CSMD1: variants seen among roughly 807,000 people sequenced by gnomAD.
CSMD1 encodes the protein CUB and Sushi multiple domains 1, also known as CUB and sushi domain-containing protein 1.
CSMD1 carries 213 observed loss-of-function variants against 417.5 expected under a neutral mutation model. The ratio of observed to expected loss-of-function variants is 0.51; its 90% CI spans 0.46 to 0.57. CSMD1 has a LOEUF of 0.57. Ranked by LOEUF, CSMD1 falls within the 20% of genes least tolerant of loss-of-function variation. The pLI is 0.00. For synonymous variants in CSMD1, 2,862 were observed against 1,736.8 expected (o/e 1.65, Z -16.11); for missense variants, 6,923 against 4,529.7 (o/e 1.53, Z -15.17).
At chr8:4,325,740 G>A (rs964557155) in intron 3 of CSMD1, among the ~76,000 whole-genome samples, 2 of 152,068 alleles carry the variant, frequency 1.3e-5, no homozygotes, top group African/African-American at 2.4e-5. Context: ...CTGAGAAGGC[G>A]TGAATGTTAT....
At chr8:3,846,883 C>A (rs544588932) in intron 5 of CSMD1, among the ~76,000 whole-genome samples, 2 of 152,252 alleles carry the variant, frequency 1.3e-5, no homozygotes, top group African/African-American at 4.8e-5. Flanking sequence ...TCATGTTGGC[C>A]AAGCTGGTCT....
intron 1 of CSMD1, among the ~76,000 whole-genome samples, chr8:4,731,378 C>A (rs1477282551): frequency 6.6e-6 from 1 of 152,164 alleles, no homozygotes; most frequent in Non-Finnish European, 1.5e-5. Context: ...GCATGTGACA[C>A]ATTCCCCCAC....
intron 40 of CSMD1, 101 bp from the exon 41 acceptor site, chr8:3,142,775 C>T: frequency 1.0e-6 from 1 of 992,468 alleles, no homozygotes. Context: ...CCCAGACAAT[C>T]CCTCTCTGTG....
chr8:3,099,798 C>G (rs1378234086), intron 46 of CSMD1, among the ~76,000 whole-genome samples: 1 of 152,044 alleles, frequency 6.6e-6, no homozygotes, highest in Non-Finnish European at 1.5e-5. Context: ...TTAGGAAAGA[C>G]AAAATGAAAA....
intron 5 of CSMD1, among the ~76,000 whole-genome samples, chr8:3,824,419 T>A (rs926437828): frequency 6.6e-6 from 1 of 152,160 alleles, no homozygotes; most frequent in African/African-American, 2.4e-5. Flanking sequence ...GAAAGATGAA[T>A]AGACATTACA....
chr8:4,090,560 G>C (rs1251957170), intron 3 of CSMD1, among the ~76,000 whole-genome samples: 1 of 152,148 alleles, frequency 6.6e-6, no homozygotes, highest in Non-Finnish European at 1.5e-5. Context: ...TTTTACAACA[G>C]AAACTAAAAT....
At chr8:3,238,235 A>G (rs888835822) in intron 26 of CSMD1, among the ~76,000 whole-genome samples, 7 of 151,946 alleles carry the variant, frequency 4.6e-5, no homozygotes, top group African/African-American at 7.3e-5. Flanking sequence ...AGCCAGGATG[A>G]GCCAGGAGAA....
chr8:4,140,832 C>G (rs545533472), intron 3 of CSMD1, among the ~76,000 whole-genome samples: 3 of 150,900 alleles, frequency 2.0e-5, no homozygotes, highest in Middle Eastern at 3.2e-3. Context: ...ACCCTCACTC[C>G]AGGTTTCAAA....
chr8:4,642,926 C>T (rs893112007), intron 1 of CSMD1, among the ~76,000 whole-genome samples: 1 of 152,172 alleles, frequency 6.6e-6, no homozygotes, highest in Non-Finnish European at 1.5e-5. Flanking sequence ...GGAAATGATA[C>T]TCTGTAGCAA....
intron 1 of CSMD1, among the ~76,000 whole-genome samples, chr8:4,715,601 T>G (rs1204481583): frequency 1.3e-5 from 2 of 152,168 alleles, no homozygotes; most frequent in Non-Finnish European, 2.9e-5. Flanking sequence ...CATCCAAAAT[T>G]TAACGTGAAC....
chr8:4,773,093 G>C (rs571216782), intron 1 of CSMD1, among the ~76,000 whole-genome samples: 18 of 152,166 alleles, frequency 1.2e-4, no homozygotes, highest in African/African-American at 4.3e-4. Context: ...ATTTTTTTCA[G>C]ATTTGGGAAT....
chr8:3,938,213 G>A (rs1810636224), intron 5 of CSMD1, among the ~76,000 whole-genome samples: 1 of 152,054 alleles, frequency 6.6e-6, no homozygotes, highest in Non-Finnish European at 1.5e-5. Flanking sequence ...GTAACATCCA[G>A]TCACTGATGA....
At chr8:4,090,694 G>A (rs1415839990) in intron 3 of CSMD1, among the ~76,000 whole-genome samples, 3 of 152,164 alleles carry the variant, frequency 2.0e-5, no homozygotes, top group South Asian at 4.1e-4. Flanking sequence ...TTTATCTCTA[G>A]TAGGTTCTAG....
chr8:4,662,424 G>C (rs2724962), intron 1 of CSMD1, among the ~76,000 whole-genome samples: 8 of 151,852 alleles, frequency 5.3e-5, no homozygotes, highest in African/African-American at 1.9e-4. Context: ...ACATTGACAC[G>C]CTTTTCTTTT....
intron 4 of CSMD1, 61 bp downstream of exon 4, chr8:4,031,844 C>T: frequency 1.6e-6 from 2 of 1,279,278 alleles, no homozygotes; most frequent in Non-Finnish European, 1.1e-6. Context: ...TTCATAAAAG[C>T]ATCTCCAAAA....
intron 1 of CSMD1, among the ~76,000 whole-genome samples, chr8:4,680,864 G>C (rs1268204715): frequency 6.6e-6 from 1 of 151,950 alleles, no homozygotes; most frequent in Non-Finnish European, 1.5e-5. Flanking sequence ...ATAAGTGTGA[G>C]CCACTGTACC....
chr8:4,137,289 A>C, intron 3 of CSMD1, among the ~76,000 whole-genome samples: 1 of 152,162 alleles, frequency 6.6e-6, no homozygotes, highest in Non-Finnish European at 1.5e-5. Context: ...TCTAATTTTA[A>C]TCAAAATAGG....
chr8:3,888,282 G>C (rs537220102), intron 5 of CSMD1, among the ~76,000 whole-genome samples: 1 of 152,230 alleles, frequency 6.6e-6, no homozygotes, highest in South Asian at 2.1e-4. Flanking sequence ...CCAAACCCTT[G>C]TTAACATAAG....
At chr8:3,625,617 C>A (rs764994309) in intron 7 of CSMD1, among the ~76,000 whole-genome samples, 2 of 152,052 alleles carry the variant, frequency 1.3e-5, no homozygotes, top group Non-Finnish European at 2.9e-5. Flanking sequence ...ATTTCAGCTT[C>A]TAATGCTATG....
Sources: allele counts gnomAD v4.1 joint callset (sites outside exome capture counted in the v4.1 genomes callset), GRCh38; gene constraint gnomAD v4.1.1; transcripts MANE v1.5; gene names NCBI Gene and HGNC (gene_info 2026-07-23, HGNC 2026-07-21).